Variants in CYP7B1 observed in about 807,000 individuals in gnomAD.
CYP7B1 encodes cytochrome P450 7B1.
In CYP7B1, 29 loss-of-function variants were observed where a neutral mutation model predicts 42.7. The observed-to-expected ratio is 0.68, with a 90% CI of 0.51 to 0.93. The LOEUF (loss-of-function observed/expected upper bound fraction) is 0.93. Ranked by LOEUF, CYP7B1 falls within the 40% of genes least tolerant of loss-of-function variation. CYP7B1 has a pLI of 0.00. For missense variants in CYP7B1, 655 were observed against 600.5 expected (o/e 1.09, Z -0.95); for synonymous variants, 235 against 218.2 (o/e 1.08, Z -0.68).
At chr8:64,702,823 C>G (rs1404895400) in intron 1 of CYP7B1, among the ~76,000 whole-genome samples, 1 of 151,990 alleles carries the variant, frequency 6.6e-6, no homozygotes, top group Non-Finnish European at 1.5e-5. Flanking sequence ...AATGTATTAT[C>G]ATCATTCTCA....
chr8:64,700,311 A>G (rs1159872597), intron 1 of CYP7B1, among the ~76,000 whole-genome samples: 1 of 152,098 alleles, frequency 6.6e-6, no homozygotes, highest in Non-Finnish European at 1.5e-5. Flanking sequence ...ACCATCTATG[A>G]TCCTAGTAAC....
Position 64,592,681 on chromosome 8 carries a change from C to A in CYP7B1, c.*3961G>T, listed in dbSNP as rs560261488. ...ACACTGTTGAAGTATCTTCATTAAACTTTGCATTGGTATATTGCATTATAC... is the reference window on the plus strand; with the variant it reads ...ACACTGTTGAAGTATCTTCATTAAAATTTGCATTGGTATATTGCATTATAC... On this transcript the variant is annotated 3_prime_UTR_variant, in exon 6 of 6. Coordinates refer to ENST00000310193, the MANE Select transcript of CYP7B1 (RefSeq NM_004820.5). 7.9e-5 allele frequency among the ~76,000 whole-genome samples: 12 copies of A among 152,330 alleles called. No individual in the cohort carries two copies. The South Asian group carries it at 2.5e-3, about 32-fold the overall frequency.
chr8:64,605,485 A>G (rs1346489694), intron 4 of CYP7B1, among the ~76,000 whole-genome samples: 1 of 152,194 alleles, frequency 6.6e-6, no homozygotes, highest in Non-Finnish European at 1.5e-5. Flanking sequence ...ATCCTGGAAG[A>G]TTCCAGAAGC....
At chr8:64,768,104 C>T (rs62521129) in intron 1 of CYP7B1, among the ~76,000 whole-genome samples, 37,476 of 152,076 alleles carry the variant, frequency 0.25, 5,328 homozygotes, top group African/African-American at 0.39. Context: ...AAGGTGACCG[C>T]ATCTACCTTT....
At chr8:64,699,318 G>T (rs1806877964) in intron 1 of CYP7B1, among the ~76,000 whole-genome samples, 1 of 152,010 alleles carries the variant, frequency 6.6e-6, no homozygotes, top group South Asian at 2.1e-4. Context: ...CATGTCAAAA[G>T]AACTGTTCAT....
intron 1 of CYP7B1, among the ~76,000 whole-genome samples, chr8:64,684,969 CA>C (rs1390138003): frequency 6.6e-6 from 1 of 152,196 alleles, no homozygotes; most frequent in Non-Finnish European, 1.5e-5. Context: ...AGAGCCTTCA[CA>C]CACTGAATGT....
At chr8:64,685,710 A>C (rs1806618768) in intron 1 of CYP7B1, among the ~76,000 whole-genome samples, 1 of 44,488 alleles carries the variant, frequency 2.2e-5, no homozygotes, top group Non-Finnish European at 5.5e-5. Flanking sequence ...TCCGCCCGGC[A>C]GCCACCCCAT....
intron 4 of CYP7B1, among the ~76,000 whole-genome samples, chr8:64,609,860 T>C (rs1285880402): frequency 1.3e-5 from 2 of 152,206 alleles, no homozygotes; most frequent in South Asian, 2.1e-4. Context: ...AACCACTGCA[T>C]TAACTAAAAC....
intron 1 of CYP7B1, 111 bp downstream of exon 1, chr8:64,798,355 T>G (rs1030549922): frequency 7.3e-7 from 1 of 1,372,288 alleles, no homozygotes; most frequent in African/African-American, 1.5e-5. Flanking sequence ...CCGCAGCAAG[T>G]TCTGACTGTC....
chr8:64,624,189 G>C (rs1455740543), intron 2 of CYP7B1, among the ~76,000 whole-genome samples: 1 of 151,778 alleles, frequency 6.6e-6, no homozygotes, highest in African/African-American at 2.4e-5. Flanking sequence ...CTGGAAAGAA[G>C]GGTTCCCTAA....
At chr8:64,678,028 G>T (rs1585849622) in intron 1 of CYP7B1, among the ~76,000 whole-genome samples, 2 of 152,192 alleles carry the variant, frequency 1.3e-5, no homozygotes. Context: ...TTCTCTAGTT[G>T]CAAACTCTTG....
At chr8:64,664,019 C>G (rs1021178461) in intron 1 of CYP7B1, among the ~76,000 whole-genome samples, 7 of 152,164 alleles carry the variant, frequency 4.6e-5, no homozygotes, top group African/African-American at 1.7e-4. Context: ...CGCTCTGCCC[C>G]CTCCAGCAGG....
At chr8:64,755,406 T>C (rs1229628346) in intron 1 of CYP7B1, among the ~76,000 whole-genome samples, 1 of 152,102 alleles carries the variant, frequency 6.6e-6, no homozygotes, top group Non-Finnish European at 1.5e-5. Context: ...GTCCGGCAAT[T>C]TATTTTTATT....
chr8:64,652,704 C>T (rs1428295455), intron 1 of CYP7B1, among the ~76,000 whole-genome samples: 7 of 151,962 alleles, frequency 4.6e-5, no homozygotes, highest in African/African-American at 1.5e-4. Context: ...GTTAGCCGGG[C>T]GTGGTGGCAG....
chr8:64,751,418 T>C (rs529722589), intron 1 of CYP7B1, among the ~76,000 whole-genome samples: 2 of 152,330 alleles, frequency 1.3e-5, no homozygotes, highest in East Asian at 3.9e-4. Context: ...TTTTAATATA[T>C]GAATATAATT....
chr8:64,702,132 CA>C (rs1228521577), intron 1 of CYP7B1, among the ~76,000 whole-genome samples: 8 of 151,954 alleles, frequency 5.3e-5, no homozygotes, highest in Non-Finnish European at 1.0e-4. Context: ...ACATATCTAA[CA>C]AATAAACATG....
intron 4 of CYP7B1, among the ~76,000 whole-genome samples, chr8:64,614,657 T>C (rs1320042179): frequency 1.3e-5 from 2 of 152,212 alleles, no homozygotes; most frequent in Non-Finnish European, 2.9e-5. Flanking sequence ...GTGCCTTTTT[T>C]GCAATACTTT....
chr8:64,668,993 G>A (rs16931363), intron 1 of CYP7B1, among the ~76,000 whole-genome samples: 11,386 of 152,050 alleles, frequency 0.075, 492 homozygotes, highest in South Asian at 0.16. Flanking sequence ...ACAGCATAAC[G>A]GTAACTCTGC....
chr8:64,729,071 G>A (rs1807369702), intron 1 of CYP7B1: 1 of 152,210 alleles, frequency 6.6e-6, no homozygotes, highest in South Asian at 2.1e-4. Flanking sequence ...GAGGTCTAAG[G>A]ATCACTTGAG....
Sources: allele counts gnomAD v4.1 joint callset (sites outside exome capture counted in the v4.1 genomes callset), GRCh38; gene constraint gnomAD v4.1.1; transcripts MANE v1.5; gene names NCBI Gene and HGNC (gene_info 2026-07-23, HGNC 2026-07-21).